Variants in WDR77 observed in about 807,000 individuals in gnomAD.
WDR77 encodes the protein WD repeat domain 77.
WDR77 carries 31 observed loss-of-function variants against 44.0 expected under a neutral mutation model. The ratio of observed to expected loss-of-function variants is 0.70; its 90% CI spans 0.53 to 0.95. The LOEUF (loss-of-function observed/expected upper bound fraction) is 0.95, where lower values mean the gene tolerates loss of function less well. Among genes scored for constraint, WDR77 ranks in the 40% least tolerant of loss-of-function variants. The probability of loss-of-function intolerance (pLI) is 0.00; values close to 1 mark genes in which losing one functional copy is unlikely to be tolerated. For missense variants in WDR77, 390 were observed against 423.9 expected, an observed-to-expected ratio of 0.92 and a Z score of 0.70; for synonymous variants, 186 against 165.7, an observed-to-expected ratio of 1.12 and a Z score of -0.94.
intron 6 of WDR77, 21 bp downstream of exon 6, chr1:111,443,846 A>G: frequency 6.2e-7 from 1 of 1,614,054 alleles, no homozygotes; most frequent in Non-Finnish European, 8.5e-7. Context: ...CTATTCTCCC[A>G]CCAATGAATC....
At chr1:111,448,529 T>A in intron 2 of WDR77, 90 bp downstream of exon 2, 1 of 1,500,552 alleles carries the variant, frequency 6.7e-7, no homozygotes, top group Non-Finnish European at 9.2e-7. Flanking sequence ...GTATAGGACG[T>A]TAGATATTGA....
chr1:111,447,197 A>G (rs1653076861), intron 3 of WDR77, 53 bp from the exon 4 acceptor site: 1 of 1,603,606 alleles, frequency 6.2e-7, no homozygotes, highest in Admixed American at 1.7e-5. Flanking sequence ...TATCAACATA[A>G]AAACGTGTTC....
chr1:111,447,211 C>T, intron 3 of WDR77, 67 bp from the exon 4 acceptor site: 3 of 1,585,664 alleles, frequency 1.9e-6, no homozygotes, highest in Non-Finnish European at 2.6e-6. Flanking sequence ...CGTGTTCAAA[C>T]AAGAACTTCC....
At chr1:111,449,006 C>T in intron 1 of WDR77, 49 bp downstream of exon 1, 1 of 1,545,878 alleles carries the variant, frequency 6.5e-7, no homozygotes, top group Non-Finnish European at 8.7e-7. Flanking sequence ...CGGGGAGGGG[C>T]GCCCTGGGCC....
chr1:111,444,056 C>T lies in WDR77; in HGVS notation c.562G>A (p.Glu188Lys), dbSNP rs1183021358. The T allele has an allele frequency of 6.2e-6, 10 of 1,613,986 alleles. No homozygotes were observed. Among genetic ancestry groups the T allele is most frequent in the Admixed American group, 1.7e-5 (1 of 60,000 alleles). ...HKDSVFLSCS[E>K]DNRILLWDTR... ...GGGAAGAAGGAGCTATCTCTTACCT[C>T]GCTGCATGAAAGAAACACAGAGTCC... is the stretch of plus-strand genomic sequence containing the variant. Residue 188 changes from glutamate (E) to lysine (K), a missense_variant and splice_region_variant, in exon 5 of 10, where the codon GAG becomes AAG. Glu to Lys is a moderately conservative substitution (Grantham distance 56). Transcript: ENST00000235090.
At position 111,449,216 on chromosome 1, in the gene WDR77, G is replaced by C; in HGVS notation, c.-47C>G. The C allele has an allele frequency of 2.6e-6, 4 of 1,538,054 alleles. No individual in the cohort carries two copies. Among genetic ancestry groups the C allele is most frequent in the Non-Finnish European group, 3.5e-6 (4 of 1,147,526 alleles). ...CTAGACTCAAACTGGACGCCGGCCG[G>C]AGACTCCGCTCCGGCAGCAAACCCC... On this transcript the variant is annotated 5_prime_UTR_variant, in exon 1 of 10. Coordinates refer to ENST00000235090, the MANE Select transcript of WDR77 (RefSeq NM_024102.4).
intron 7 of WDR77, 125 bp from the exon 8 acceptor site, chr1:111,442,886 A>C: frequency 1.7e-6 from 1 of 588,880 alleles, no homozygotes; most frequent in Non-Finnish European, 2.8e-6. Context: ...TCTTTTGCAA[A>C]GTAGGAATAA....
Position 111,441,296 on chromosome 1 carries a change from C to A in WDR77, c.963G>T (p.Gln321His), listed in dbSNP as rs977138832. 6.3e-7 allele frequency: 1 copy of A among 1,586,810 alleles called. No homozygotes were observed. Among genetic ancestry groups the A allele is most frequent in the Non-Finnish European group, 8.6e-7 (1 of 1,164,592 alleles). ...SLLTTVGWDHQVVHHVVPTEP... is the reference protein window; with the variant it reads ...SLLTTVGWDHHVVHHVVPTEP... ...CTGTGGGCACAACGTGGTGGACGAC[C>A]TGATGGTCCCAGCCCACTGTGGTAA... The change falls in exon 10 of 10, where the codon CAG (glutamine) becomes CAT (histidine). Residue 321 changes from glutamine (Q) to histidine (H), a missense_variant. Transcript: ENST00000235090.
chr1:111,448,724 C>T lies in WDR77; in HGVS notation c.196G>A (p.Ala66Thr). ...GAGCAGAAGCCTTCGTTGGGGGCGG[C>T]ACAGGGGTCCTTAAAAAGCCAGAGG... ...GSLWLFKDPC[A>T]APNEGFCSAG... The change falls in exon 2 of 10, where the codon GCC (alanine) becomes ACC (threonine). Residue 66 changes from alanine to threonine, a missense_variant. Ala to Thr is a moderately conservative substitution (Grantham distance 58). Coordinates refer to ENST00000235090, the MANE Select transcript of WDR77 (RefSeq NM_024102.4). 2 of 1,614,038 alleles carry T rather than the reference C, an allele frequency of 1.2e-6. No homozygotes were observed. Among genetic ancestry groups the T allele is most frequent in the Non-Finnish European group, 1.7e-6 (2 of 1,179,940 alleles).
chr1:111,448,811 G>A lies in WDR77; in HGVS notation c.116-7C>T, dbSNP rs776512065. 6.4e-7 allele frequency: 1 copy of A among 1,567,946 alleles called. No homozygotes were observed. The highest frequency in any genetic ancestry group is 8.7e-7 in the Non-Finnish European group (1 of 1,155,750). On this transcript the variant is annotated splice_region_variant and splice_polypyrimidine_tract_variant and intron_variant, in intron 1 of 9. Transcript: ENST00000235090. The stretch of plus-strand genomic sequence containing the variant: ...CCGAGGAGAAGCGCCCCATCTACGG[G>A]GGGTACAAGCTGTCAGCGCGTGAAG...
chr1:111,443,360 C>G lies in WDR77; in HGVS notation c.654G>C (p.Leu218=). ...CTTCACTTTGCTGAGGATGCCAAGCCAGCGAGGTAGGAAGGTAGCCAGGCG... is the reference window on the plus strand; with the variant it reads ...CTTCACTTTGCTGAGGATGCCAAGCGAGCGAGGTAGGAAGGTAGCCAGGCG... The part of the protein sequence containing the change: ...CSAPGYLPTS[L]AWHPQQSEVF... Residue 218 remains leucine, a synonymous_variant, in exon 7 of 10, where the codon CTG becomes CTC. Transcript: ENST00000235090. The G allele has an allele frequency of 6.4e-7, 1 of 1,552,276 alleles. No homozygotes were observed. Among genetic ancestry groups the G allele is most frequent in the Non-Finnish European group, 8.7e-7 (1 of 1,147,248 alleles).
Position 111,441,026 on chromosome 1 carries a change from T to C in WDR77, c.*204A>G, listed in dbSNP as rs1652787829. 4.7e-6 allele frequency: 2 copies of C among 422,978 alleles called. No homozygotes were observed. The highest frequency in any genetic ancestry group is 2.0e-5 in the African/African-American group (1 of 49,016). 26.2% of individuals were successfully genotyped at this position (422,978 alleles called of 1,614,324 possible). On this transcript the variant is annotated 3_prime_UTR_variant, in exon 10 of 10. Transcript: ENST00000235090. The stretch of plus-strand genomic sequence containing the variant: ...ACACACACTCACACGCACATACATG[T>C]CCATTTTTAAGAAAGCTTTTCCTCC...
intron 3 of WDR77, 138 bp from the exon 4 acceptor site, chr1:111,447,282 GA>G: frequency 6.8e-7 from 1 of 1,460,084 alleles, no homozygotes; most frequent in Non-Finnish European, 9.4e-7. Context: ...ACTTACGATG[GA>G]CTGCAAAATC....
chr1:111,448,832 TGAAGGGTA>T, intron 1 of WDR77, 28 bp from the exon 2 acceptor site: 1 of 1,555,754 alleles, frequency 6.4e-7, no homozygotes, highest in Non-Finnish European at 8.7e-7. Context: ...TGTCAGCGCG[TGAAGGGTA>T]GAAGGGTTCG....
chr1:111,446,997 T>A, intron 4 of WDR77, 98 bp downstream of exon 4: 2 of 1,239,354 alleles, frequency 1.6e-6, no homozygotes, highest in Admixed American at 3.9e-5. Flanking sequence ...AAGAAAACTA[T>A]CAGAACATGG....
rs748802849 is a variant in WDR77 at position 111,447,526 on chromosome 1, T to C, written c.352A>G (p.Lys118Glu). The C allele has an allele frequency of 6.2e-7, 1 of 1,614,212 alleles. No individual in the cohort carries two copies. The highest frequency in any genetic ancestry group is 8.5e-7 in the Non-Finnish European group (1 of 1,180,040). ...TCATCATGCTCATACTTGCAGAACT[T>C]GCTGACAATAAGTGTCTCATTCTCA... ...LDENETLIVS[K>E]FCKYEHDDIV... The change falls in exon 3 of 10, where the codon AAG becomes GAG. Residue 118 changes from lysine (K) to glutamate (E), a missense_variant. Lys to Glu is a moderately conservative substitution (Grantham distance 56). Transcript: ENST00000235090.
chr1:111,448,694 C>A lies in WDR77; in HGVS notation c.226G>T (p.Gly76Ter). 1.2e-6 allele frequency: 2 copies of A among 1,614,228 alleles called. No individual in the cohort carries two copies. Among genetic ancestry groups the A allele is most frequent in the Non-Finnish European group, 1.7e-6 (2 of 1,180,042 alleles). ...GCCACTCCAGCCTCCGTTTGGACTCCGGCGGAGCAGAAGCCTTCGTTGGGG... is the reference window on the plus strand; with the variant it reads ...GCCACTCCAGCCTCCGTTTGGACTCAGGCGGAGCAGAAGCCTTCGTTGGGG... ...AAPNEGFCSA[G>*]VQTEAGVADL... is the part of the protein sequence containing the mutation. Residue 76 changes from glycine to a stop codon, truncating the protein, a stop_gained, in exon 2 of 10, where the codon GGA becomes TGA. Transcript: ENST00000235090. LOFTEE classifies it high-confidence loss of function.
At chr1:111,448,561 A>T in intron 2 of WDR77, 58 bp downstream of exon 2, 1 of 1,604,102 alleles carries the variant, frequency 6.2e-7, no homozygotes, top group Non-Finnish European at 8.5e-7. Context: ...CGGTACCCCA[A>T]GTCTCCATTC....
Position 111,441,146 on chromosome 1 carries a change from G to A in WDR77, c.*84C>T, listed in dbSNP as rs1042564706. 46 of 1,317,642 alleles carry A rather than the reference G, an allele frequency of 3.5e-5. No individual in the cohort carries two copies. Among genetic ancestry groups the A allele is most frequent in the Admixed American group, 8.7e-5 (3 of 34,620 alleles). The allele number at this position is 1,317,642 out of a possible 1,614,324, so 81.6% of individuals were successfully genotyped here. A position where few individuals can be genotyped will look rare whatever the true frequency, so the allele number is the denominator to read the frequency against. On this transcript the variant is annotated 3_prime_UTR_variant, in exon 10 of 10. Transcript: ENST00000235090. Reference sequence around the variant, plus strand: ...CTAGCATATCAACATACTATAGAAGGCTCCTGTGTTGTCTCACAAGCTGAG... The same window carrying A: ...CTAGCATATCAACATACTATAGAAGACTCCTGTGTTGTCTCACAAGCTGAG...
Sources: allele counts gnomAD v4.1 joint callset, GRCh38; gene constraint gnomAD v4.1.1; transcripts MANE v1.5; gene names NCBI Gene and HGNC (gene_info 2026-07-23, HGNC 2026-07-21).